Variants in TEP1 observed in about 807,000 individuals in gnomAD.
TEP1 encodes telomerase protein component 1.
A neutral mutation model predicts 306.3 loss-of-function variants in TEP1; 241 were observed. The observed-to-expected ratio is 0.79, with a 90% CI of 0.71 to 0.88. The LOEUF (loss-of-function observed/expected upper bound fraction) is 0.88, where lower values mean the gene tolerates loss of function less well. Among genes scored for constraint, TEP1 ranks in the 40% least tolerant of loss-of-function variants. The probability of loss-of-function intolerance (pLI) is 0.00; values close to 1 mark genes in which losing one functional copy is unlikely to be tolerated. For synonymous variants in TEP1, 1,289 were observed against 1,305.5 expected, an observed-to-expected ratio of 0.99 and a Z score of 0.27; for missense variants, 3,051 against 3,276.1, an observed-to-expected ratio of 0.93 and a Z score of 1.68.
At chr14:20,376,065 G>A in intron 42 of TEP1, 39 bp downstream of exon 42, 1 of 1,604,256 alleles carries the variant, frequency 6.2e-7, no homozygotes, top group Non-Finnish European at 8.5e-7. Context: ...GAACTAGAGA[G>A]GCTATGGGAC....
At chr14:20,400,837 G>T in intron 9 of TEP1, 147 bp downstream of exon 9, 1 of 990,340 alleles carries the variant, frequency 1.0e-6, no homozygotes, top group South Asian at 1.8e-5. Flanking sequence ...CTTTGGTGTA[G>T]TCAATGGCAG....
chr14:20,396,238 G>A (rs1024729133), intron 10 of TEP1, among the ~76,000 whole-genome samples: 3 of 152,198 alleles, frequency 2.0e-5, no homozygotes, highest in African/African-American at 7.2e-5. Context: ...GGAGCCTTAG[G>A]CAGGTGGACT....
Position 20,386,487 on chromosome 14 carries a change from G to A in TEP1, c.2821C>T (p.Leu941Phe). 1 of 1,611,902 alleles carries A rather than the reference G, an allele frequency of 6.2e-7. No homozygotes were observed. ...PHRISLHGIDLRWGVTEEETR... is the reference protein window; with the variant it reads ...PHRISLHGIDFRWGVTEEETR... ...TCCTCCTCAGTGACGCCCCAGCGGA[G>A]GTCGATTCCGTGAAGGCTGATACGG... Residue 941 changes from leucine (L) to phenylalanine (F), a missense_variant, in exon 19 of 55, where the codon CTC becomes TTC. Leu to Phe is a conservative substitution (Grantham distance 22). Coordinates refer to ENST00000262715, the MANE Select transcript of TEP1 (RefSeq NM_007110.5).
chr14:20,378,841 A>G lies in TEP1; in HGVS notation c.5265T>C (p.Thr1755=). 1 of 1,614,190 alleles carries G rather than the reference A, an allele frequency of 6.2e-7. No individual in the cohort carries two copies. The highest frequency in any genetic ancestry group is 2.2e-5 in the East Asian group (1 of 44,886). Residue 1755 remains threonine, a synonymous_variant, in exon 37 of 55, where the codon ACT becomes ACC. Coordinates refer to ENST00000262715, the MANE Select transcript of TEP1 (RefSeq NM_007110.5). ...CAGTGATTTGGTACTGGTGAGCCTT[A>G]GTCTGCAGCACCCTATCCCAGGAAG... The part of the protein sequence containing the change: ...DLQHGCRVLQ[T]KAHQYQITGC...
chr14:20,387,330 T>A (rs1877269833), intron 18 of TEP1, among the ~76,000 whole-genome samples: 2 of 147,712 alleles, frequency 1.4e-5, no homozygotes, highest in Admixed American at 6.7e-5. Flanking sequence ...GCAGATCACC[T>A]GAGGTCGGGA....
intron 2 of TEP1, among the ~76,000 whole-genome samples, chr14:20,407,002 A>G (rs2139200058): frequency 6.6e-6 from 1 of 152,360 alleles, no homozygotes; most frequent in South Asian, 2.1e-4. Flanking sequence ...AAGGGTTAAG[A>G]GGTTGCCCAA....
intron 16 of TEP1, 55 bp downstream of exon 16, chr14:20,389,555 A>G: frequency 2.5e-6 from 4 of 1,602,572 alleles, no homozygotes; most frequent in Non-Finnish European, 3.4e-6. Flanking sequence ...AGGCGTAGAG[A>G]GGAAATGTAG....
chr14:20,375,934 T>G, intron 42 of TEP1, 66 bp from the exon 43 acceptor site: 3 of 1,513,442 alleles, frequency 2.0e-6, no homozygotes, highest in Non-Finnish European at 2.7e-6. Flanking sequence ...CGGAGCCATT[T>G]CAGGCAAGAA....
Position 20,368,557 on chromosome 14 carries a change from C to T in TEP1, c.7764G>A (p.Leu2588=), listed in dbSNP as rs8011960. ...CTGACCCTTCGCATCGGAACAGGCC[C>T]AGCTACGATGGGAACAAAAATAGGG... ...KLWERPSMQL[L]GLFRCEGSVS... The change falls in exon 55 of 55, where the codon CTG becomes CTA. Residue 2588 remains leucine (L), a splice_region_variant and synonymous_variant. Transcript: ENST00000262715. 2.1e-3 allele frequency: 3,335 copies of T among 1,614,112 alleles called. 70 individuals are homozygous for T. In the African/African-American group the frequency reaches 0.039, roughly 19 times the overall value.
intron 49 of TEP1, among the ~76,000 whole-genome samples, chr14:20,372,503 T>A (rs1228567268): frequency 6.6e-6 from 1 of 152,120 alleles, no homozygotes; most frequent in Non-Finnish European, 1.5e-5. Context: ...AATTAAAGGA[T>A]GAATTTCATC....
rs925234606 is a variant in TEP1 at position 20,383,923 on chromosome 14, A to G, written c.3535-5T>C. On this transcript the variant is annotated splice_region_variant and splice_polypyrimidine_tract_variant and intron_variant, in intron 24 of 54. Coordinates refer to ENST00000262715, the MANE Select transcript of TEP1 (RefSeq NM_007110.5). The stretch of plus-strand genomic sequence containing the variant: ...CAGGGCTGACACAAGAGATGCCTGC[A>G]TGGGACAGGAACAGAAAACATGGTC... 11 of 1,598,330 alleles carry G rather than the reference A, an allele frequency of 6.9e-6. No homozygotes were observed. Among genetic ancestry groups the G allele is most frequent in the African/African-American group, 4.0e-5 (3 of 74,722 alleles).
chr14:20,396,083 G>A (rs917699699), intron 10 of TEP1, 134 bp from the exon 11 acceptor site: 3 of 547,534 alleles, frequency 5.5e-6, no homozygotes, highest in Admixed American at 3.2e-5. Flanking sequence ...TAGAAAAGGG[G>A]TAATAAGAAG....
intron 1 of TEP1, among the ~76,000 whole-genome samples, chr14:20,410,220 A>G (rs184824849): frequency 6.6e-6 from 1 of 152,206 alleles, no homozygotes; most frequent in Admixed American, 6.5e-5. Context: ...TGTCTCTCAG[A>G]TCTATCCAAT....
chr14:20,385,562 AG>A lies in TEP1; in HGVS notation c.2983-454del, dbSNP rs534712333. ...TAATTTTTGTATTTTTAGTAGAGAC[AG>A]GGTTTCACCATGTTGGCCAGGCTGG... On this transcript the variant is annotated intron_variant, in intron 20 of 54. Coordinates refer to ENST00000262715, the MANE Select transcript of TEP1 (RefSeq NM_007110.5). Among the ~76,000 whole-genome samples the A allele has an allele frequency of 2.9e-3, 443 of 152,190 alleles. 3 individuals are homozygous for A. The highest frequency in any genetic ancestry group is 1.0e-2 in the African/African-American group (414 of 41,522).
rs1331337495 is a variant in TEP1 at position 20,386,106 on chromosome 14, T to G, written c.2951A>C (p.Tyr984Ser). 1 of 1,612,872 alleles carries G rather than the reference T, an allele frequency of 6.2e-7. No homozygotes were observed. Among genetic ancestry groups the G allele is most frequent in the African/African-American group, 1.3e-5 (1 of 74,860 alleles). Reference protein sequence around the residue: ...GSRYGYIPPSYNLPDHPHFHW... With the variant: ...GSRYGYIPPSSNLPDHPHFHW... ...GAAGTGTGGATGGTCAGGAAGGTTG[T>G]AGCTGGGGGGAATGTATCCATAACG... Residue 984 changes from tyrosine (Y) to serine (S), a missense_variant, in exon 20 of 55, where the codon TAC becomes TCC. By Grantham distance (144) the Tyr-to-Ser change is moderately radical (BLOSUM62 -2). Coordinates refer to ENST00000262715, the MANE Select transcript of TEP1 (RefSeq NM_007110.5).
rs553923395 is a variant in TEP1, at chr14:20,378,061, G to A, written c.5684C>T (p.Ala1895Val). ...GFVAAALFLH[A>V]GCQLLTAGED... ...TCCAGCCGTCAGTAACTGGCAACCC[G>A]CATGCAGGAAAAGCGCAGCAGCAAC... The change falls in exon 39 of 55, where the codon GCG becomes GTG. Residue 1895 changes from alanine (A) to valine (V), a missense_variant. Ala to Val is a moderately conservative substitution (Grantham distance 64). Coordinates refer to ENST00000262715, the MANE Select transcript of TEP1 (RefSeq NM_007110.5). 36 of 1,613,466 alleles carry A rather than the reference G, an allele frequency of 2.2e-5. No individual in the cohort carries two copies. The Middle Eastern group carries it at 8.2e-4, about 37-fold the overall frequency.
rs763140440 is a variant in TEP1 at position 20,401,455 on chromosome 14, A to T, written c.1391+2T>A. On this transcript the variant is annotated splice_donor_variant, in intron 8 of 54. Coordinates refer to ENST00000262715, the MANE Select transcript of TEP1 (RefSeq NM_007110.5). LOFTEE classifies it high-confidence loss of function. ...ATGCATGCTCAGGGTGCAGCTTCTC[A>T]CCTGTAACCCAGCAGGGCTTGAACG... The T allele has an allele frequency of 6.2e-7, 1 of 1,613,802 alleles. No homozygotes were observed. The highest frequency in any genetic ancestry group is 8.5e-7 in the Non-Finnish European group (1 of 1,179,906).
In TEP1 at chr14:20,390,801, G is replaced by A. The variant is rs763259332; in HGVS notation, c.2257-43C>T. On this transcript the variant is annotated intron_variant, in intron 14 of 54. Transcript: ENST00000262715. ...CATGTTATGTGGTTGCACAGTAAGC[G>A]ACAAACACTGCAGTCTTGCAGTCTG... The A allele has an allele frequency of 3.9e-5, 63 of 1,612,788 alleles. No individual in the cohort carries two copies. In the Admixed American group the frequency reaches 4.8e-4, roughly 12 times the overall value.
chr14:20,391,047 G>A lies in TEP1; in HGVS notation c.2147C>T (p.Ala716Val), dbSNP rs781593127. The A allele has an allele frequency of 2.3e-5, 37 of 1,614,056 alleles. No individual in the cohort carries two copies. The highest frequency in any genetic ancestry group is 2.8e-5 in the Non-Finnish European group (33 of 1,180,012). Residue 716 changes from alanine (A) to valine (V), a missense_variant, in exon 14 of 55, where the codon GCG becomes GTG. By Grantham distance (64) the Ala-to-Val change is moderately conservative (BLOSUM62 0). Coordinates refer to ENST00000262715, the MANE Select transcript of TEP1 (RefSeq NM_007110.5). The stretch of plus-strand genomic sequence containing the variant: ...ACACAGCACGACGTCCACCTGCTCC[G>A]CCCTCGTGATCATCATCCCAATCAA... ...LLLIGMMITR[A>V]EQVDVVLCGG...
Sources: gnomAD v4.1 joint callset for allele counts (sites outside exome capture counted in the v4.1 genomes callset) on GRCh38, gnomAD v4.1.1 for gene constraint, MANE v1.5 for transcripts, NCBI Gene and HGNC (gene_info 2026-07-23, HGNC 2026-07-21) for gene names.